Variants in CYS1 observed in about 807,000 individuals in gnomAD.
The protein encoded by CYS1 is cystin 1.
Under a neutral mutation model 9.6 loss-of-function variants are expected in CYS1, and 5 were observed. That is an observed-to-expected ratio of 0.52 (90% CI 0.27 to 1.10). CYS1 has a LOEUF of 1.10. CYS1 is among the 50% of genes least tolerant of loss of function. The pLI is 0.11. For missense variants in CYS1, 221 were observed against 207.9 expected (o/e 1.06, Z -0.39); for synonymous variants, 88 against 95.7 (o/e 0.92, Z 0.47).
Position 10,063,091 on chromosome 2 carries a change from G to A in CYS1, c.371+2813C>T, listed in dbSNP as rs576080489. Among the ~76,000 whole-genome samples, 10 of 152,362 alleles carry A rather than the reference G, an allele frequency of 6.6e-5. No individual in the cohort carries two copies. The South Asian group carries it at 1.9e-3, about 28-fold the overall frequency. On this transcript the variant is annotated intron_variant, in intron 2 of 2. Coordinates refer to ENST00000381813, the MANE Select transcript of CYS1 (RefSeq NM_001037160.3). The surrounding 1 kb of genome is among the most constrained non-coding windows in gnomAD (Gnocchi z 4.2). Reference sequence around the variant, plus strand: ...CCGGGGGAAGGACCTGGCGTTGTCAGGATGGTCAGGACTGGGGTCAAGGCC... The same window carrying A: ...CCGGGGGAAGGACCTGGCGTTGTCAAGATGGTCAGGACTGGGGTCAAGGCC...
At chr2:10,077,285 C>A (rs893423188) in intron 1 of CYS1, among the ~76,000 whole-genome samples, 7 of 152,150 alleles carry the variant, frequency 4.6e-5, no homozygotes, top group Non-Finnish European at 2.9e-5. Context: ...CAGCGAGACT[C>A]TGTCTCAAAA....
chr2:10,066,433 G>A (rs758949300), intron 1 of CYS1, among the ~76,000 whole-genome samples: 1 of 152,078 alleles, frequency 6.6e-6, no homozygotes, highest in Non-Finnish European at 1.5e-5. Flanking sequence ...ACGCGACCCC[G>A]ACCCCACTCT....
intron 1 of CYS1, among the ~76,000 whole-genome samples, chr2:10,069,722 G>A (rs12472751): frequency 1.2e-3 from 186 of 152,184 alleles, no homozygotes; most frequent in Admixed American, 6.9e-3. Flanking sequence ...GAGGTTTCAT[G>A]AGCCTAATGG....
At chr2:10,079,789 C>T (rs934053196) in intron 1 of CYS1, 117 bp downstream of exon 1, 2 of 596,572 alleles carry the variant, frequency 3.4e-6, no homozygotes, top group African/African-American at 2.0e-5. Flanking sequence ...GGGGAGCACG[C>T]AAGTCGGAGG....
Position 10,079,902 on chromosome 2 carries a change from T to C in CYS1, c.318+4A>G. The C allele has an allele frequency of 9.0e-7, 1 of 1,108,090 alleles. No individual in the cohort carries two copies. Among genetic ancestry groups the C allele is most frequent in the African/African-American group, 1.7e-5 (1 of 60,004 alleles). 68.6% of individuals were successfully genotyped at this position (1,108,090 alleles called of 1,614,324 possible). On this transcript the variant is annotated splice_donor_region_variant and intron_variant, in intron 1 of 2. Coordinates refer to ENST00000381813, the MANE Select transcript of CYS1 (RefSeq NM_001037160.3). ...CCCCGAGGCCCTGCGGCTCCCACACTCACCGCGCTCCCCGCGACCGCGGTG... is the reference window on the plus strand; with the variant it reads ...CCCCGAGGCCCTGCGGCTCCCACACCCACCGCGCTCCCCGCGACCGCGGTG...
At chr2:10,075,192 G>C (rs1235479747) in intron 1 of CYS1, among the ~76,000 whole-genome samples, 1 of 151,962 alleles carries the variant, frequency 6.6e-6, no homozygotes, top group African/African-American at 2.4e-5. Flanking sequence ...TCCACCCTTT[G>C]TCAACCGCTG....
At chr2:10,071,657 A>G (rs1027236641) in intron 1 of CYS1, among the ~76,000 whole-genome samples, 5 of 152,236 alleles carry the variant, frequency 3.3e-5, no homozygotes, top group Non-Finnish European at 2.9e-5. Context: ...TGGAAAAAGC[A>G]TGAGACTCCC....
chr2:10,061,393 G>C (rs1020798371), intron 2 of CYS1, among the ~76,000 whole-genome samples: 3 of 152,182 alleles, frequency 2.0e-5, no homozygotes, highest in Admixed American at 6.5e-5. Flanking sequence ...AGAGAAATGG[G>C]CACGGGACGC....
intron 1 of CYS1, among the ~76,000 whole-genome samples, chr2:10,073,008 G>T (rs1661792859): frequency 6.6e-6 from 1 of 150,404 alleles, no homozygotes; most frequent in East Asian, 1.9e-4. Flanking sequence ...GTGCAGATGT[G>T]TGGGAGCAGA....
intron 1 of CYS1, among the ~76,000 whole-genome samples, chr2:10,075,681 A>C (rs1303724421): frequency 6.6e-6 from 1 of 152,218 alleles, no homozygotes; most frequent in Non-Finnish European, 1.5e-5. Flanking sequence ...CAGGCAAGAA[A>C]GAATTATCCG....
chr2:10,077,219 C>T (rs1661856093), intron 1 of CYS1, among the ~76,000 whole-genome samples: 1 of 152,130 alleles, frequency 6.6e-6, no homozygotes, highest in African/African-American at 2.4e-5. Context: ...AAGCTCCCCT[C>T]CCCCAGCACA....
intron 1 of CYS1, among the ~76,000 whole-genome samples, chr2:10,070,206 G>A (rs75220007): frequency 0.033 from 4,951 of 152,204 alleles, 262 homozygotes; most frequent in African/African-American, 0.11. Context: ...CTCACCTTCC[G>A]GGCCTTGGTG....
Position 10,058,911 on chromosome 2 carries a change from G to T in CYS1, c.419C>A (p.Ser140Tyr). ...RKKPERPAAI[S>Y]YDHSEEGLMA... ...CAGCCCCTCTTCCGAGTGGTCGTAG[G>T]AGATGGCTGCCGGCCTCTCGGGCTT... The change falls in exon 3 of 3, where the codon TCC becomes TAC. Residue 140 changes from serine (S) to tyrosine (Y), a missense_variant. Coordinates refer to ENST00000381813, the MANE Select transcript of CYS1 (RefSeq NM_001037160.3). 1 of 1,596,292 alleles carries T rather than the reference G, an allele frequency of 6.3e-7. No homozygotes were observed. The highest frequency in any genetic ancestry group is 2.3e-5 in the East Asian group (1 of 44,278).
intron 1 of CYS1, among the ~76,000 whole-genome samples, chr2:10,075,734 T>C (rs989035124): frequency 6.6e-6 from 1 of 152,100 alleles, no homozygotes; most frequent in African/African-American, 2.4e-5. Context: ...CCAAAAATGG[T>C]GGATGACAGA....
rs564912244 is a variant in CYS1 at position 10,076,612 on chromosome 2, C to G, written c.318+3294G>C. Reference sequence around the variant, plus strand: ...CACGCCCTCCGTCCTAAGCACCTTCCTCCCTTGGCTTCCGGATGTTCTCTT... The same window carrying G: ...CACGCCCTCCGTCCTAAGCACCTTCGTCCCTTGGCTTCCGGATGTTCTCTT... On this transcript the variant is annotated intron_variant, in intron 1 of 2. Transcript: ENST00000381813. The surrounding 1 kb of genome is among the most constrained non-coding windows in gnomAD (Gnocchi z 4.3). Among the ~76,000 whole-genome samples the G allele has an allele frequency of 2.0e-5, 3 of 152,314 alleles. No individual in the cohort carries two copies. Among genetic ancestry groups the G allele is most frequent in the African/African-American group, 7.2e-5 (3 of 41,568 alleles).
rs1259543689 is a variant in CYS1, at chr2:10,058,081, G to C, written c.*772C>G. On this transcript the variant is annotated 3_prime_UTR_variant, in exon 3 of 3. Transcript: ENST00000381813. ...CTCCCCGCAGGGAAGGCACTGCTGT[G>C]CCTGGGGCAGGGGACCAGCAGTGGC... 6.6e-6 allele frequency: 1 copy of C among 152,300 alleles called. No individual in the cohort carries two copies. Among genetic ancestry groups the C allele is most frequent in the Non-Finnish European group, 1.5e-5 (1 of 68,108 alleles). The allele number at this position is 152,300 out of a possible 1,614,324, so 9.4% of individuals were successfully genotyped here. A position where few individuals can be genotyped will look rare whatever the true frequency, so the allele number is the denominator to read the frequency against.
intron 1 of CYS1, among the ~76,000 whole-genome samples, chr2:10,066,212 C>T (rs1036451039): frequency 6.6e-6 from 1 of 152,246 alleles, no homozygotes. Flanking sequence ...CTTGCTGCCT[C>T]CCAGACGGCC....
rs566332434 is a variant in CYS1 at position 10,066,046 on chromosome 2, A to G, written c.319-90T>C. On this transcript the variant is annotated intron_variant, in intron 1 of 2. Transcript: ENST00000381813. ...GGCTTTGTGTGGACAGACGATGGCC[A>G]CCACTTTCAACCCAGGATCCATAAG... The G allele has an allele frequency of 1.9e-5, 27 of 1,396,334 alleles. 1 individual carries two copies. The African/African-American group carries it at 3.7e-4, about 19-fold the overall frequency. 86.5% of individuals were successfully genotyped at this position (1,396,334 alleles called of 1,614,324 possible). A position where few individuals can be genotyped will look rare whatever the true frequency, so the allele number is the denominator to read the frequency against.
At chr2:10,074,754 G>A (rs1031693465) in intron 1 of CYS1, among the ~76,000 whole-genome samples, 7 of 152,098 alleles carry the variant, frequency 4.6e-5, no homozygotes, top group South Asian at 2.1e-4. Context: ...ACCCAAACCC[G>A]TCTCATTGGT....
Sources: gnomAD v4.1 joint callset for allele counts (sites outside exome capture counted in the v4.1 genomes callset) on GRCh38, gnomAD v4.1.1 for gene constraint, Gnocchi (gnomAD v3.1) non-coding constraint, MANE v1.5 for transcripts, NCBI Gene and HGNC (gene_info 2026-07-23, HGNC 2026-07-21) for gene names.